The following DHTKD1 variants were observed in gnomAD, a reference collection of about 807,000 sequenced individuals.
DHTKD1 encodes the protein 2-oxoadipate dehydrogenase complex component E1.
In DHTKD1, 78 loss-of-function variants were observed where a neutral mutation model predicts 101.8. That is an observed-to-expected ratio of 0.77 (90% CI 0.64 to 0.93). The LOEUF (loss-of-function observed/expected upper bound fraction) is 0.93. DHTKD1 is among the 40% of genes least tolerant of loss of function. The pLI is 0.00. For missense variants in DHTKD1, 1,223 were observed against 1,161.7 expected (o/e 1.05, Z -0.77); for synonymous variants, 462 against 450.3 (o/e 1.03, Z -0.33).
At chr10:12,112,349 CTCTT>C (rs1367777979) in intron 12 of DHTKD1, among the ~76,000 whole-genome samples, 4 of 152,058 alleles carry the variant, frequency 2.6e-5, no homozygotes, top group African/African-American at 7.2e-5. Flanking sequence ...TTTGTCAACT[CTCTT>C]TCTTTCCTTT....
In DHTKD1 at chr10:12,089,128, C is replaced by A. The variant is rs1466580366; in HGVS notation, c.860C>A (p.Pro287His). ...CTCCATGTGACAATGTTGCCCAATC[C>A]CTCGCACCTGGAGGCCGTCAACCCC... ...HPLHVTMLPN[P>H]SHLEAVNPVA... Residue 287 changes from proline to histidine, a missense_variant, in exon 5 of 17, where the codon CCC becomes CAC. Coordinates refer to ENST00000263035, the MANE Select transcript of DHTKD1 (RefSeq NM_018706.7). 5 of 1,614,170 alleles carry A rather than the reference C, an allele frequency of 3.1e-6. No homozygotes were observed. Among genetic ancestry groups the A allele is most frequent in the Non-Finnish European group, 3.4e-6 (4 of 1,180,044 alleles).
At chr10:12,112,821 C>T in intron 12 of DHTKD1, 79 bp from the exon 13 acceptor site, 1 of 1,396,850 alleles carries the variant, frequency 7.2e-7, no homozygotes, top group Non-Finnish European at 9.7e-7. Flanking sequence ...CCTGTGTTTC[C>T]CTTTGGCCAG....
chr10:12,106,264 T>C lies in DHTKD1; in HGVS notation c.1915T>C (p.Ser639Pro). Residue 639 changes from serine to proline, a missense_variant, in exon 11 of 17, where the codon TCA becomes CCA. Coordinates refer to ENST00000263035, the MANE Select transcript of DHTKD1 (RefSeq NM_018706.7). ...GGATTAGGTCAGCAACAGCCCACTG[T>C]CAGAAGAGGCCGTCCTGGGATTTGA... ...GFLEVSNSPL[S>P]EEAVLGFEYG... The C allele has an allele frequency of 1.9e-6, 3 of 1,614,138 alleles. No homozygotes were observed. The highest frequency in any genetic ancestry group is 2.5e-6 in the Non-Finnish European group (3 of 1,180,012).
At chr10:12,089,331 C>G in intron 5 of DHTKD1, 76 bp downstream of exon 5, 1 of 1,369,078 alleles carries the variant, frequency 7.3e-7, no homozygotes. Flanking sequence ...GGGCTGAAAG[C>G]ACATGGCAGA....
chr10:12,070,026 G>A (rs1390665785), intron 1 of DHTKD1, among the ~76,000 whole-genome samples: 1 of 152,084 alleles, frequency 6.6e-6, no homozygotes, highest in African/African-American at 2.4e-5. Flanking sequence ...TATTTATTAT[G>A]TATTTGTCTC....
intron 2 of DHTKD1, among the ~76,000 whole-genome samples, chr10:12,083,813 A>G (rs969355578): frequency 3.3e-5 from 5 of 152,208 alleles, no homozygotes; most frequent in African/African-American, 1.2e-4. Context: ...TTGTGAAGGA[A>G]GTGGGGGCTT....
At chr10:12,120,035 G>A in intron 15 of DHTKD1, 147 bp from the exon 16 acceptor site, 1 of 633,012 alleles carries the variant, frequency 1.6e-6, no homozygotes, top group Non-Finnish European at 2.9e-6. Flanking sequence ...ACTGTTGTAT[G>A]GGTACTTGAA....
chr10:12,081,514 A>G lies in DHTKD1; in HGVS notation c.197A>G (p.His66Arg). 6.2e-7 allele frequency: 1 copy of G among 1,614,132 alleles called. No individual in the cohort carries two copies. Among genetic ancestry groups the G allele is most frequent in the South Asian group, 1.1e-5 (1 of 91,090 alleles). Residue 66 changes from histidine (H) to arginine (R), a missense_variant, in exon 2 of 17, where the codon CAT becomes CGT. Transcript: ENST00000263035. ...AGGTTGGTGACAGTATATTGTGAGC[A>G]TGGTCATAAAGCTGCCAAAATCAAC... is the stretch of plus-strand genomic sequence containing the variant. ...LARLVTVYCE[H>R]GHKAAKINPL...
At chr10:12,091,756 C>T (rs1832993772) in intron 6 of DHTKD1, 72 bp downstream of exon 6, 2 of 1,316,462 alleles carry the variant, frequency 1.5e-6, no homozygotes, top group Middle Eastern at 1.9e-4. Flanking sequence ...CTGGTGCACA[C>T]AGAACAATGA....
chr10:12,100,297 T>TTTTTTTTTTTTTTTTTTTTTTTTTTTTG, intron 9 of DHTKD1, 35 bp downstream of exon 9: 1 of 900,968 alleles, frequency 1.1e-6, no homozygotes, highest in Non-Finnish European at 1.6e-6. Context: ...GTTTTTTTTT[T>TTTTTTTTTTTTTTTTTTTTTTTTTTTTG]TTTTGAGTCT....
chr10:12,089,091 G>A lies in DHTKD1; in HGVS notation c.823G>A (p.Ala275Thr), dbSNP rs756701886. The change falls in exon 5 of 17, where the codon GCG becomes ACG. Residue 275 changes from alanine to threonine, a missense_variant. Ala to Thr is a moderately conservative substitution (Grantham distance 58, BLOSUM62 0). Coordinates refer to ENST00000263035, the MANE Select transcript of DHTKD1 (RefSeq NM_018706.7). The part of the protein sequence containing the change: ...LTSSVDLYFG[A>T]HHPLHVTMLP... ...CTCCTCTGTGGACCTGTACTTTGGG[G>A]CGCACCATCCCCTCCATGTGACAAT... 9.9e-6 allele frequency: 16 copies of A among 1,614,126 alleles called. No individual in the cohort carries two copies. The South Asian group carries it at 1.6e-4, about 17-fold the overall frequency.
rs1046306649 is a variant in DHTKD1, at chr10:12,106,381, A to T, written c.2032A>T (p.Thr678Ser). The T allele has an allele frequency of 5.6e-6, 9 of 1,614,154 alleles. No individual in the cohort carries two copies. In the South Asian group the frequency reaches 8.8e-5, roughly 16 times the overall value. The change falls in exon 11 of 17, where the codon ACA (threonine) becomes TCA (serine). Residue 678 changes from threonine (T) to serine (S), a missense_variant. Thr to Ser is a moderately conservative substitution (Grantham distance 58). Transcript: ENST00000263035. ...FFNGAQIIFDTFISGGEAKWL... is the reference protein window; with the variant it reads ...FFNGAQIIFDSFISGGEAKWL... ...CAATGGTGCCCAGATCATCTTTGAC[A>T]CATTCATCTCTGGAGGTTGGTGTCA... is the stretch of plus-strand genomic sequence containing the variant.
intron 2 of DHTKD1, among the ~76,000 whole-genome samples, chr10:12,081,931 A>G (rs1832826245): frequency 6.6e-6 from 1 of 151,002 alleles, no homozygotes; most frequent in Admixed American, 6.6e-5. Context: ...TTTGAGACCA[A>G]CCTGGGCAAC....
chr10:12,120,109 G>GT (rs1468190735), intron 15 of DHTKD1, 73 bp from the exon 16 acceptor site: 1 of 1,142,776 alleles, frequency 8.8e-7, no homozygotes, highest in African/African-American at 1.5e-5. Context: ...TCCATCGTAG[G>GT]TGGGATCATA....
chr10:12,106,351 T>A lies in DHTKD1; in HGVS notation c.2002T>A (p.Phe668Ile). ...LPLWEAQFGD[F>I]FNGAQIIFDT... ...CCTGTGGGAGGCACAGTTTGGCGAT[T>A]TCTTCAATGGTGCCCAGATCATCTT... Residue 668 changes from phenylalanine (F) to isoleucine (I), a missense_variant, in exon 11 of 17, where the codon TTC (phenylalanine) becomes ATC (isoleucine). Transcript: ENST00000263035. 6.2e-7 allele frequency: 1 copy of A among 1,614,202 alleles called. No homozygotes were observed. The highest frequency in any genetic ancestry group is 8.5e-7 in the Non-Finnish European group (1 of 1,180,042).
At position 12,085,648 on chromosome 10, in the gene DHTKD1, G is replaced by A. The variant is rs915356905; in HGVS notation, c.522+897G>A. On this transcript the variant is annotated intron_variant, in intron 3 of 16. Coordinates refer to ENST00000263035, the MANE Select transcript of DHTKD1 (RefSeq NM_018706.7). The stretch of plus-strand genomic sequence containing the variant: ...CATCCCAGCCCTTTGGGAGGCTTAG[G>A]TGGGCGTATTGCTTGAGGTCAGGAG... Among the ~76,000 whole-genome samples, 3 of 152,248 alleles carry A rather than the reference G, an allele frequency of 2.0e-5. No individual in the cohort carries two copies. In the East Asian group the frequency reaches 5.8e-4, roughly 29 times the overall value.
At chr10:12,120,687 TAAAC>T in intron 16 of DHTKD1, 96 bp from the exon 17 acceptor site, 1 of 1,026,270 alleles carries the variant, frequency 9.7e-7, no homozygotes, top group Non-Finnish European at 1.5e-6. Flanking sequence ...GATTTATGGT[TAAAC>T]AAGCTAAGAG....
rs1413152558 is a variant in DHTKD1 at position 12,089,121 on chromosome 10, C to T, written c.853C>T (p.Pro285Ser). The change falls in exon 5 of 17, where the codon CCC (proline) becomes TCC (serine). Residue 285 changes from proline to serine, a missense_variant. Coordinates refer to ENST00000263035, the MANE Select transcript of DHTKD1 (RefSeq NM_018706.7). The part of the protein sequence containing the change: ...AHHPLHVTML[P>S]NPSHLEAVNP... ...CCATCCCCTCCATGTGACAATGTTGCCCAATCCCTCGCACCTGGAGGCCGT... is the reference window on the plus strand; with the variant it reads ...CCATCCCCTCCATGTGACAATGTTGTCCAATCCCTCGCACCTGGAGGCCGT... 5.0e-6 allele frequency: 8 copies of T among 1,614,058 alleles called. No individual in the cohort carries two copies. Among genetic ancestry groups the T allele is most frequent in the Non-Finnish European group, 6.8e-6 (8 of 1,180,042 alleles).
At chr10:12,099,306 TC>T (rs1833120146) in intron 8 of DHTKD1, among the ~76,000 whole-genome samples, 1 of 152,108 alleles carries the variant, frequency 6.6e-6, no homozygotes, top group South Asian at 2.1e-4. Context: ...TAAATACAGT[TC>T]CCCACATACC....
Sources: gnomAD v4.1 joint callset for allele counts (sites outside exome capture counted in the v4.1 genomes callset) on GRCh38, gnomAD v4.1.1 for gene constraint, MANE v1.5 for transcripts, NCBI Gene and HGNC (gene_info 2026-07-23, HGNC 2026-07-21) for gene names.